The following MACROD2 variants were observed in gnomAD, a reference collection of about 807,000 sequenced individuals.
MACROD2 encodes the protein ADP-ribose glycohydrolase MACROD2.
A neutral mutation model predicts 70.4 loss-of-function variants in MACROD2; 36 were observed. The observed-to-expected ratio is 0.51, with a 90% CI of 0.39 to 0.68. MACROD2 has a LOEUF of 0.68. MACROD2 is among the 30% of genes least tolerant of loss of function. The probability of loss-of-function intolerance (pLI) is 0.00; values close to 1 mark genes in which losing one functional copy is unlikely to be tolerated. For missense variants in MACROD2, 496 were observed against 538.4 expected (o/e 0.92, Z 0.78); for synonymous variants, 172 against 178.8 (o/e 0.96, Z 0.30).
intron 4 of MACROD2, among the ~76,000 whole-genome samples, chr20:14,588,919 A>C (rs1289049663): frequency 6.6e-6 from 1 of 152,218 alleles, no homozygotes; most frequent in African/African-American, 2.4e-5. Context: ...TGCTTTACAA[A>C]CCAATAATTA....
chr20:14,752,453 C>T (rs1470368432), intron 5 of MACROD2, among the ~76,000 whole-genome samples: 2 of 151,966 alleles, frequency 1.3e-5, no homozygotes, highest in Non-Finnish European at 2.9e-5. Flanking sequence ...CCTAAATAGT[C>T]CTGGAATGTA....
chr20:15,377,241 T>C (rs530430622), intron 6 of MACROD2, among the ~76,000 whole-genome samples: 2 of 152,262 alleles, frequency 1.3e-5, no homozygotes, highest in Admixed American at 6.5e-5. Flanking sequence ...ATTTGAACAA[T>C]GTAAAACTCA....
intron 8 of MACROD2, among the ~76,000 whole-genome samples, chr20:15,780,532 G>A (rs1484697460): frequency 6.6e-6 from 1 of 152,158 alleles, no homozygotes; most frequent in Admixed American, 6.5e-5. Flanking sequence ...TGCAGTGGTA[G>A]GCAAGGCTTT....
chr20:15,734,079 G>T (rs1370296282), intron 8 of MACROD2, among the ~76,000 whole-genome samples: 1 of 152,144 alleles, frequency 6.6e-6, no homozygotes, highest in Non-Finnish European at 1.5e-5. Flanking sequence ...AGGGAGAGGG[G>T]GCAGGAATAT....
intron 6 of MACROD2, among the ~76,000 whole-genome samples, chr20:15,327,590 T>C (rs2077944808): frequency 6.6e-6 from 1 of 152,074 alleles, no homozygotes; most frequent in Non-Finnish European, 1.5e-5. Context: ...ACTCACTCAC[T>C]ATCATGAGAA....
chr20:15,629,656 A>G (rs1440903163), intron 8 of MACROD2, among the ~76,000 whole-genome samples: 1 of 152,190 alleles, frequency 6.6e-6, no homozygotes, highest in African/African-American at 2.4e-5. Flanking sequence ...ACAGTGCATT[A>G]CATGTGGGAA....
chr20:15,777,438 GTT>G lies in MACROD2; in HGVS notation c.646-85296_646-85295del, dbSNP rs199861027. Among the ~76,000 whole-genome samples, 46 of 142,722 alleles carry G rather than the reference GTT, an allele frequency of 3.2e-4. No homozygotes were observed. The East Asian group carries it at 4.8e-3, about 15-fold the overall frequency. 93.6% of individuals were successfully genotyped at this position (142,722 alleles called of 152,430 possible). A position where few individuals can be genotyped will look rare whatever the true frequency, so the allele number is the denominator to read the frequency against. ...GCATGAAGAGACCACTGAGAGACATGTTTTTTTTTTTTCATCACACTGTTGGT... is the reference window on the plus strand; with the variant it reads ...GCATGAAGAGACCACTGAGAGACATGTTTTTTTTTTCATCACACTGTTGGT... On this transcript the variant is annotated intron_variant, in intron 8 of 17. Coordinates refer to ENST00000684519, the MANE Select transcript of MACROD2 (RefSeq NM_001351661.2).
intron 5 of MACROD2, among the ~76,000 whole-genome samples, chr20:15,120,332 G>A (rs1421676955): frequency 6.6e-6 from 1 of 152,026 alleles, no homozygotes; most frequent in African/African-American, 2.4e-5. Context: ...TTTCTTTCAT[G>A]GGAGTTCTGA....
intron 5 of MACROD2, among the ~76,000 whole-genome samples, chr20:15,181,203 G>A (rs897086903): frequency 5.3e-5 from 8 of 152,102 alleles, no homozygotes; most frequent in South Asian, 2.1e-4. Context: ...CACGTTTGGC[G>A]GTGGATGCAG....
intron 3 of MACROD2, among the ~76,000 whole-genome samples, chr20:14,106,067 C>T (rs1384542940): frequency 1.3e-5 from 2 of 152,134 alleles, no homozygotes; most frequent in Non-Finnish European, 2.9e-5. Context: ...GTGAAAGACT[C>T]CTTCTGTTTG....
At chr20:15,889,483 T>C (rs1314165691) in intron 10 of MACROD2, among the ~76,000 whole-genome samples, 4 of 152,164 alleles carry the variant, frequency 2.6e-5, no homozygotes, top group African/African-American at 7.2e-5. Flanking sequence ...TGTCCTTTAC[T>C]TTTTTGCTCC....
chr20:14,902,651 G>T (rs1475468031), intron 5 of MACROD2, among the ~76,000 whole-genome samples: 5 of 152,110 alleles, frequency 3.3e-5, no homozygotes, highest in Non-Finnish European at 5.9e-5. Context: ...GAGAGGCAGG[G>T]TGGTCAGGAC....
At chr20:15,988,120 G>A (rs1360091224) in intron 15 of MACROD2, among the ~76,000 whole-genome samples, 1 of 152,126 alleles carries the variant, frequency 6.6e-6, no homozygotes, top group Non-Finnish European at 1.5e-5. Flanking sequence ...AACCATGTTA[G>A]AGATTTTGAC....
chr20:14,904,716 A>G (rs1170184286), intron 5 of MACROD2, among the ~76,000 whole-genome samples: 2 of 152,218 alleles, frequency 1.3e-5, no homozygotes, highest in African/African-American at 4.8e-5. Flanking sequence ...TGTATACAAT[A>G]TGAATAACAA....
At chr20:14,494,873 T>C (rs915389467) in intron 4 of MACROD2, among the ~76,000 whole-genome samples, 8 of 152,292 alleles carry the variant, frequency 5.3e-5, no homozygotes, top group Admixed American at 2.6e-4. Context: ...CTGTCTCTTG[T>C]AATAGGTGAA....
chr20:15,743,346 CAG>C (rs1187426609), intron 8 of MACROD2, among the ~76,000 whole-genome samples: 1 of 152,108 alleles, frequency 6.6e-6, no homozygotes, highest in African/African-American at 2.4e-5. Context: ...GAAAATCAAA[CAG>C]AAATATTGTA....
At chr20:14,038,601 T>C (rs1466224437) in intron 2 of MACROD2, among the ~76,000 whole-genome samples, 1 of 152,220 alleles carries the variant, frequency 6.6e-6, no homozygotes, top group Non-Finnish European at 1.5e-5. Flanking sequence ...ATGTCTTTAC[T>C]ACTAATTATA....
chr20:14,652,424 A>G (rs1985725185), intron 4 of MACROD2, among the ~76,000 whole-genome samples: 1 of 152,330 alleles, frequency 6.6e-6, no homozygotes. Flanking sequence ...TTATTCCACT[A>G]GAATTCCATT....
intron 8 of MACROD2, among the ~76,000 whole-genome samples, chr20:15,712,073 C>T (rs1035027894): frequency 3.9e-5 from 6 of 152,184 alleles, no homozygotes; most frequent in African/African-American, 1.4e-4. Context: ...ATACACCAGT[C>T]CTATTCTTTG....
Sources: allele counts gnomAD v4.1 joint callset (sites outside exome capture counted in the v4.1 genomes callset), GRCh38; gene constraint gnomAD v4.1.1; transcripts MANE v1.5; gene names NCBI Gene and HGNC (gene_info 2026-07-23, HGNC 2026-07-21).